Variants in MXI1 observed in about 807,000 individuals in gnomAD.
MXI1 encodes max-interacting protein 1.
Under a neutral mutation model 36.9 loss-of-function variants are expected in MXI1, and 18 were observed. The ratio of observed to expected loss-of-function variants is 0.49; its 90% CI spans 0.34 to 0.72. MXI1 has a LOEUF of 0.72. MXI1 is among the 30% of genes least tolerant of loss of function. MXI1 has a pLI of 0.01. For missense variants in MXI1, 304 were observed against 379.1 expected (o/e 0.80, Z 1.64); for synonymous variants, 160 against 146.7 (o/e 1.09, Z -0.65).
At chr10:110,217,165 C>T (rs1854673360) in intron 1 of MXI1, among the ~76,000 whole-genome samples, 1 of 152,170 alleles carries the variant, frequency 6.6e-6, no homozygotes, top group Non-Finnish European at 1.5e-5. Flanking sequence ...CTCTCCTGTA[C>T]AACATGCTCT....
intron 3 of MXI1, among the ~76,000 whole-genome samples, chr10:110,273,215 T>C (rs1856916691): frequency 6.6e-6 from 1 of 151,798 alleles, no homozygotes; most frequent in Non-Finnish European, 1.5e-5. Flanking sequence ...GCCTGGCTAA[T>C]TTTTTGTGTT....
At chr10:110,276,297 C>A (rs573114462) in intron 3 of MXI1, among the ~76,000 whole-genome samples, 1 of 152,220 alleles carries the variant, frequency 6.6e-6, no homozygotes, top group Non-Finnish European at 1.5e-5. Flanking sequence ...AGGTCTACCT[C>A]CTCCAATTAC....
chr10:110,249,141 A>G (rs941449576), intron 3 of MXI1, among the ~76,000 whole-genome samples: 1 of 152,218 alleles, frequency 6.6e-6, no homozygotes, highest in Non-Finnish European at 1.5e-5. Context: ...TTTAAAATAA[A>G]TAGAATTTTG....
intron 2 of MXI1, among the ~76,000 whole-genome samples, chr10:110,235,577 A>G (rs1855429312): frequency 1.3e-5 from 2 of 151,518 alleles, no homozygotes; most frequent in African/African-American, 2.4e-5. Context: ...AGTCCCAGCT[A>G]CTCGGGAGGC....
intron 1 of MXI1, among the ~76,000 whole-genome samples, chr10:110,219,795 C>T (rs1180073910): frequency 6.6e-6 from 1 of 152,204 alleles, no homozygotes; most frequent in African/African-American, 2.4e-5. Context: ...TAGCTTAGTG[C>T]CTGGCACATA....
At position 110,208,236 on chromosome 10, in the gene MXI1, C is replaced by T. The variant is rs571126652; in HGVS notation, c.274+154C>T. 3.8e-5 allele frequency: 27 copies of T among 712,406 alleles called. No individual in the cohort carries two copies. In the South Asian group the frequency reaches 5.3e-4, roughly 14 times the overall value. 44.1% of individuals were successfully genotyped at this position (712,406 alleles called of 1,614,324 possible). On this transcript the variant is annotated intron_variant, in intron 1 of 5. Transcript: ENST00000332674. ...AGCCGATGACACCGGAGAAAGGACA[C>T]GCACGCACAAAGCTGCTAAAGATGT...
intron 5 of MXI1, among the ~76,000 whole-genome samples, chr10:110,284,110 C>T (rs1857357645): frequency 2.0e-5 from 3 of 151,742 alleles, no homozygotes; most frequent in Non-Finnish European, 4.4e-5. Flanking sequence ...CTATTGATAG[C>T]TGAGTCAAAT....
intron 5 of MXI1, among the ~76,000 whole-genome samples, chr10:110,282,657 A>AT (rs113928073): frequency 4.2e-4 from 63 of 150,570 alleles, no homozygotes; most frequent in African/African-American, 8.5e-4. Context: ...TATAGCTCTC[A>AT]TTTTTTTTTA....
intron 1 of MXI1, among the ~76,000 whole-genome samples, chr10:110,212,144 C>A (rs1011064220): frequency 2.0e-5 from 3 of 152,074 alleles, no homozygotes; most frequent in African/African-American, 7.2e-5. Flanking sequence ...GCTTTGGAGG[C>A]AACACTTAAG....
rs188151317 is a variant in MXI1 at position 110,230,326 on chromosome 10, G to A, written c.407+2005G>A. 2.4e-3 allele frequency among the ~76,000 whole-genome samples: 366 copies of A among 152,276 alleles called. 2 individuals are homozygous for A. Among genetic ancestry groups the A allele is most frequent in the African/African-American group, 8.5e-3 (355 of 41,564 alleles). On this transcript the variant is annotated intron_variant, in intron 2 of 5. Transcript: ENST00000332674. ...GTCTCTGTTAGGATTCTAATATTATGTGTGGGACCACAGTGCTAATTACTG... is the reference window on the plus strand; with the variant it reads ...GTCTCTGTTAGGATTCTAATATTATATGTGGGACCACAGTGCTAATTACTG...
At chr10:110,231,056 T>A (rs957054859) in intron 2 of MXI1, among the ~76,000 whole-genome samples, 5 of 152,230 alleles carry the variant, frequency 3.3e-5, no homozygotes, top group African/African-American at 9.6e-5. Flanking sequence ...TCAGGTATTA[T>A]ATGATATGCC....
intron 3 of MXI1, among the ~76,000 whole-genome samples, chr10:110,256,290 A>G (rs941640474): frequency 6.6e-6 from 1 of 152,174 alleles, no homozygotes; most frequent in African/African-American, 2.4e-5. Flanking sequence ...CAACAAAAGA[A>G]AAAAATAGAC....
At chr10:110,232,200 AC>A (rs1430624319) in intron 2 of MXI1, among the ~76,000 whole-genome samples, 12 of 151,964 alleles carry the variant, frequency 7.9e-5, no homozygotes, top group Non-Finnish European at 1.6e-4. Context: ...GACCTCATGA[AC>A]CGCCCGGCTT....
chr10:110,210,969 G>C (rs529916541), intron 1 of MXI1, among the ~76,000 whole-genome samples: 1 of 152,170 alleles, frequency 6.6e-6, no homozygotes, highest in African/African-American at 2.4e-5. Context: ...CGTTCCGATA[G>C]GATTCCAGCA....
chr10:110,239,179 C>T (rs886468700), intron 2 of MXI1, among the ~76,000 whole-genome samples: 1 of 152,156 alleles, frequency 6.6e-6, no homozygotes, highest in Non-Finnish European at 1.5e-5. Flanking sequence ...GGATGTTTAG[C>T]AGCATCCCTA....
chr10:110,262,737 C>G (rs138923887), intron 3 of MXI1, among the ~76,000 whole-genome samples: 1 of 152,140 alleles, frequency 6.6e-6, no homozygotes, highest in African/African-American at 2.4e-5. Flanking sequence ...TACTGAAAAT[C>G]TAAGTCCCTG....
intron 1 of MXI1, among the ~76,000 whole-genome samples, chr10:110,223,679 C>A (rs989798755): frequency 1.3e-5 from 2 of 152,010 alleles, no homozygotes; most frequent in Non-Finnish European, 2.9e-5. Context: ...CCACCCCTAC[C>A]CAACATGGCC....
At chr10:110,256,635 G>T (rs967196847) in intron 3 of MXI1, among the ~76,000 whole-genome samples, 21 of 135,806 alleles carry the variant, frequency 1.5e-4, no homozygotes, top group Admixed American at 2.2e-4. Context: ...AAAAAGAAAT[G>T]GCCAATATAC....
At chr10:110,209,357 GAAGA>G (rs1032622105) in intron 1 of MXI1, among the ~76,000 whole-genome samples, 7 of 151,870 alleles carry the variant, frequency 4.6e-5, no homozygotes, top group South Asian at 2.1e-4. Context: ...GAGAAAGAAA[GAAGA>G]AAGGTCCCGA....
Sources: allele counts gnomAD v4.1 joint callset (sites outside exome capture counted in the v4.1 genomes callset), GRCh38; gene constraint gnomAD v4.1.1; transcripts MANE v1.5; gene names NCBI Gene and HGNC (gene_info 2026-07-23, HGNC 2026-07-21).